The following STN1 variants were observed in gnomAD, a reference collection of about 807,000 sequenced individuals.
The protein encoded by STN1 is CST complex subunit STN1.
Under a neutral mutation model 45.5 loss-of-function variants are expected in STN1, and 29 were observed. That is an observed-to-expected ratio of 0.64 (90% confidence interval 0.47 to 0.87). STN1 has a LOEUF of 0.87. Ranked by LOEUF, STN1 falls within the 40% of genes least tolerant of loss-of-function variation. STN1 has a pLI of 0.00. For synonymous variants in STN1, 148 were observed against 159.0 expected (o/e 0.93, Z 0.52); for missense variants, 376 against 441.4 (o/e 0.85, Z 1.33).
Position 103,914,349 on chromosome 10 carries a change from T to TATATAC in STN1, c.133+3112_133+3113insGTATAT, listed in dbSNP as rs1283430343. Among the ~76,000 whole-genome samples the TATATAC allele has an allele frequency of 1.0e-3, 18 of 17,426 alleles. 1 individual carries two copies. The highest frequency in any genetic ancestry group is 3.1e-3 in the Admixed American group (4 of 1,296). 11.4% of individuals were successfully genotyped at this position (17,426 alleles called of 152,430 possible). A position where few individuals can be genotyped will look rare whatever the true frequency, so the allele number is the denominator to read the frequency against. The stretch of plus-strand genomic sequence containing the variant: ...TATTAAAAATACATATATATATATA[T>TATATAC]ATATATATATATATATATATATATA... On this transcript the variant is annotated intron_variant, in intron 2 of 9. Coordinates refer to ENST00000224950, the MANE Select transcript of STN1 (RefSeq NM_024928.5).
intron 8 of STN1, among the ~76,000 whole-genome samples, chr10:103,891,756 A>G (rs1457692151): frequency 6.6e-6 from 1 of 152,242 alleles, no homozygotes; most frequent in Admixed American, 6.5e-5. Context: ...TACTCAGTGG[A>G]TCAGTTCCAG....
chr10:103,891,660 A>G (rs958737832), intron 8 of STN1, among the ~76,000 whole-genome samples: 1 of 152,234 alleles, frequency 6.6e-6, no homozygotes, highest in African/African-American at 2.4e-5. Context: ...GAAACAATGA[A>G]AAAGCCACAG....
At chr10:103,902,477 A>T (rs1843216016) in intron 4 of STN1, among the ~76,000 whole-genome samples, 1 of 152,210 alleles carries the variant, frequency 6.6e-6, no homozygotes, top group African/African-American at 2.4e-5. Flanking sequence ...TGCCAAAAGG[A>T]GGCTCAAGCT....
chr10:103,889,857 C>T (rs1463815347), intron 8 of STN1, among the ~76,000 whole-genome samples: 1 of 152,088 alleles, frequency 6.6e-6, no homozygotes, highest in Non-Finnish European at 1.5e-5. Flanking sequence ...CGTGCACCAC[C>T]ACGTCCAGCT....
chr10:103,897,688 T>A lies in STN1; in HGVS notation c.613A>T (p.Thr205Ser), dbSNP rs1406358931. The change falls in exon 7 of 10, where the codon ACG becomes TCG. Residue 205 changes from threonine to serine, a missense_variant. Physicochemically the swap from Thr to Ser is moderately conservative, Grantham distance 58. Transcript: ENST00000224950. The stretch of plus-strand genomic sequence containing the variant: ...TTGGCTTTTTCACTCAGCAAACTCG[T>A]GAGACTGGGGAGGTCCAGGGCGCCT... ...NPGALDLPSL[T>S]SLLSEKAKEF... 1.2e-6 allele frequency: 2 copies of A among 1,614,166 alleles called. No individual in the cohort carries two copies. The highest frequency in any genetic ancestry group is 2.2e-5 in the South Asian group (2 of 91,082).
In STN1 at chr10:103,917,654, C is replaced by G; in HGVS notation, c.-60G>C. The G allele has an allele frequency of 6.4e-7, 1 of 1,573,688 alleles. No individual in the cohort carries two copies. The highest frequency in any genetic ancestry group is 2.3e-5 in the East Asian group (1 of 44,400). ...AAAGGTTCTGCATCACTGAGTCAAG[C>G]ATCTAGATGGGACACAGAAATGAGG... On this transcript the variant is annotated splice_region_variant and 5_prime_UTR_variant, in exon 2 of 10. An upstream start codon of the reference 5' UTR is lost. Coordinates refer to ENST00000224950, the MANE Select transcript of STN1 (RefSeq NM_024928.5).
rs1843043929 is a variant in STN1 at position 103,878,324 on chromosome 10, G to A, written c.*4360C>T. The A allele has an allele frequency of 6.6e-6, 1 of 152,210 alleles. No individual in the cohort carries two copies. The highest frequency in any genetic ancestry group is 1.5e-5 in the Non-Finnish European group (1 of 68,052). The allele number at this position is 152,210 out of a possible 1,614,324, so 9.4% of individuals were successfully genotyped here. Reference sequence around the variant, plus strand: ...CCTCTGGCTGGTCTTCAGTACATGAGCAGTGACCCAGCTGTGGTTAGCTCC... The same window carrying A: ...CCTCTGGCTGGTCTTCAGTACATGAACAGTGACCCAGCTGTGGTTAGCTCC... On this transcript the variant is annotated 3_prime_UTR_variant, in exon 10 of 10. Coordinates refer to ENST00000224950, the MANE Select transcript of STN1 (RefSeq NM_024928.5).
chr10:103,890,921 T>C (rs927030544), intron 8 of STN1, among the ~76,000 whole-genome samples: 1 of 152,182 alleles, frequency 6.6e-6, no homozygotes, highest in African/African-American at 2.4e-5. Flanking sequence ...CTGATGTCAG[T>C]GGTCCTGAGA....
intron 7 of STN1, among the ~76,000 whole-genome samples, chr10:103,893,369 C>T (rs986185766): frequency 2.0e-5 from 3 of 152,084 alleles, no homozygotes; most frequent in African/African-American, 7.2e-5. Flanking sequence ...AGGGTTTCAC[C>T]ATGTTAGCCA....
At chr10:103,900,700 T>G (rs968706384) in intron 4 of STN1, among the ~76,000 whole-genome samples, 7 of 100,732 alleles carry the variant, frequency 6.9e-5, no homozygotes, top group African/African-American at 3.2e-4. Flanking sequence ...TCTCTGTCTC[T>G]CTCTCTCTCT....
At chr10:103,916,658 T>A (rs899528384) in intron 2 of STN1, among the ~76,000 whole-genome samples, 2 of 152,192 alleles carry the variant, frequency 1.3e-5, no homozygotes, top group African/African-American at 4.8e-5. Context: ...ACCAAACTTC[T>A]CAAATAGCAC....
At position 103,905,214 on chromosome 10, in the gene STN1, A is replaced by G. The variant is rs563843133; in HGVS notation, c.230-58T>C. The G allele has an allele frequency of 4.9e-6, 7 of 1,431,098 alleles. No individual in the cohort carries two copies. In the African/African-American group the frequency reaches 7.0e-5, roughly 14 times the overall value. The allele number at this position is 1,431,098 out of a possible 1,614,324, so 88.6% of individuals were successfully genotyped here. On this transcript the variant is annotated intron_variant, in intron 3 of 9. Coordinates refer to ENST00000224950, the MANE Select transcript of STN1 (RefSeq NM_024928.5). Reference sequence around the variant, plus strand: ...ATTTGGGCAAGGCTGGTGAATTAGCATGCTGTCATTGCATTCAGCCATACT... The same window carrying G: ...ATTTGGGCAAGGCTGGTGAATTAGCGTGCTGTCATTGCATTCAGCCATACT...
intron 2 of STN1, 83 bp from the exon 3 acceptor site, chr10:103,910,705 G>T: frequency 2.7e-6 from 2 of 730,834 alleles, no homozygotes; most frequent in Non-Finnish European, 4.6e-6. Flanking sequence ...GGGGGGAAGG[G>T]AGTGTAAAAA....
chr10:103,901,679 T>A (rs148183633), intron 4 of STN1, among the ~76,000 whole-genome samples: 1 of 152,348 alleles, frequency 6.6e-6, no homozygotes, highest in African/African-American at 2.4e-5. Flanking sequence ...AATTCCATAT[T>A]TATAGGAAAT....
intron 3 of STN1, among the ~76,000 whole-genome samples, chr10:103,909,530 A>G (rs374586152): frequency 1.6e-4 from 13 of 80,058 alleles, no homozygotes; most frequent in East Asian, 1.4e-3. Context: ...ATATATATGT[A>G]CATATATATG....
intron 9 of STN1, 52 bp downstream of exon 9, chr10:103,889,020 C>G (rs1843121002): frequency 7.8e-7 from 1 of 1,280,304 alleles, no homozygotes; most frequent in East Asian, 2.3e-5. Flanking sequence ...CCCCGGGAGA[C>G]AGTATCCCCT....
At chr10:103,912,490 A>T (rs753664269) in intron 2 of STN1, among the ~76,000 whole-genome samples, 18 of 152,176 alleles carry the variant, frequency 1.2e-4, no homozygotes, top group Non-Finnish European at 2.2e-4. Flanking sequence ...GCCTGCAGAG[A>T]AGGGAGATCC....
At chr10:103,900,353 A>C (rs1380143497) in intron 4 of STN1, 130 bp from the exon 5 acceptor site, 1 of 874,226 alleles carries the variant, frequency 1.1e-6, no homozygotes, top group Non-Finnish European at 1.7e-6. Flanking sequence ...TAATTGTTCT[A>C]CTGTTGGAAA....
intron 4 of STN1, among the ~76,000 whole-genome samples, chr10:103,902,366 T>C (rs117576356): frequency 5.9e-5 from 9 of 152,322 alleles, no homozygotes; most frequent in Non-Finnish European, 1.0e-4. Flanking sequence ...GCAGACATTA[T>C]AGGTGATAAT....
Sources: allele counts gnomAD v4.1 joint callset (sites outside exome capture counted in the v4.1 genomes callset), GRCh38; gene constraint gnomAD v4.1.1; transcripts MANE v1.5; gene names NCBI Gene and HGNC (gene_info 2026-07-23, HGNC 2026-07-21).